The following SNX24 variants were observed in gnomAD, a reference collection of about 807,000 sequenced individuals.
The protein encoded by SNX24 is sorting nexin-24.
SNX24 carries 22 observed loss-of-function variants against 28.7 expected under a neutral mutation model. That is an observed-to-expected ratio of 0.77 (90% CI 0.55 to 1.10). The LOEUF (loss-of-function observed/expected upper bound fraction) is 1.10. Among genes scored for constraint, SNX24 ranks in the 50% least tolerant of loss-of-function variants. The pLI, the probability that SNX24 is intolerant of heterozygous loss-of-function variation, is 0.00. For missense variants in SNX24, 221 were observed against 201.1 expected (o/e 1.10, Z -0.60); for synonymous variants, 69 against 71.5 (o/e 0.96, Z 0.18).
chr5:123,010,522 C>T (rs1303326283), downstream of SNX24, among the ~76,000 whole-genome samples: 2 of 152,124 alleles, frequency 1.3e-5, no homozygotes, highest in South Asian at 2.1e-4. Flanking sequence ...CTCCTGACCT[C>T]GTGATCCAAC....
intron 1 of SNX24, among the ~76,000 whole-genome samples, chr5:122,917,314 GA>G (rs1758222198): frequency 6.6e-6 from 1 of 151,620 alleles, no homozygotes; most frequent in Non-Finnish European, 1.5e-5. Context: ...CCTTGCTTCT[GA>G]AATGCCAAAG....
intron 1 of SNX24, among the ~76,000 whole-genome samples, chr5:122,878,710 G>A (rs185748301): frequency 1.3e-5 from 2 of 152,226 alleles, no homozygotes; most frequent in East Asian, 1.9e-4. Flanking sequence ...GGTGGCTTAC[G>A]CCTGTAATCC....
At chr5:122,912,666 G>T (rs867505618) in intron 1 of SNX24, among the ~76,000 whole-genome samples, 4,420 of 151,014 alleles carry the variant, frequency 0.029, 75 homozygotes, top group Non-Finnish European at 0.041. Flanking sequence ...TTATTGAGAG[G>T]TTTTAGCATG....
intron 1 of SNX24, among the ~76,000 whole-genome samples, chr5:122,853,115 C>CTTT (rs10530519): frequency 1.3e-4 from 9 of 71,588 alleles, no homozygotes; most frequent in Non-Finnish European, 1.5e-4. Context: ...GTTCTTTAGC[C>CTTT]TTTTTTTTTT....
chr5:122,888,899 TG>T (rs756439298), intron 1 of SNX24, among the ~76,000 whole-genome samples: 3 of 152,212 alleles, frequency 2.0e-5, no homozygotes, highest in Non-Finnish European at 4.4e-5. Context: ...TCGCCAAGAA[TG>T]GAGTGCAGTG....
intron 3 of SNX24, among the ~76,000 whole-genome samples, chr5:122,993,863 A>G (rs1411392624): frequency 6.6e-6 from 1 of 152,168 alleles, no homozygotes; most frequent in African/African-American, 2.4e-5. Flanking sequence ...AAGAGAAGAA[A>G]AGCTTCAGTG....
At chr5:122,900,926 TGTG>T (rs1309516976) in intron 1 of SNX24, among the ~76,000 whole-genome samples, 1 of 151,920 alleles carries the variant, frequency 6.6e-6, no homozygotes. Context: ...TATGGCCAGG[TGTG>T]GTGGCTCGTG....
At chr5:122,955,429 C>T (rs1427516145) in intron 3 of SNX24, among the ~76,000 whole-genome samples, 1 of 152,134 alleles carries the variant, frequency 6.6e-6, no homozygotes, top group African/African-American at 2.4e-5. Flanking sequence ...TGAGATCTTC[C>T]TGGTTCTTGG....
chr5:123,012,696 G>A (rs1762611274), downstream of SNX24, among the ~76,000 whole-genome samples: 1 of 152,144 alleles, frequency 6.6e-6, no homozygotes, highest in Admixed American at 6.5e-5. Context: ...AAAGGCTTTT[G>A]AGTGACTGCA....
rs550367238 is a variant in SNX24 at position 122,845,838 on chromosome 5, C to T, written c.60+145C>T. 1.8e-5 allele frequency: 8 copies of T among 440,860 alleles called. No individual in the cohort carries two copies. In the South Asian group the frequency reaches 7.4e-4, roughly 41 times the overall value. 27.3% of individuals were successfully genotyped at this position (440,860 alleles called of 1,614,324 possible). A position where few individuals can be genotyped will look rare whatever the true frequency, so the allele number is the denominator to read the frequency against. ...CCCCCGGCCCAGAGGAAGGGCTGCGCCCTTGGCGCGGTTGTCAAGGAAACG... is the reference window on the plus strand; with the variant it reads ...CCCCCGGCCCAGAGGAAGGGCTGCGTCCTTGGCGCGGTTGTCAAGGAAACG... On this transcript the variant is annotated intron_variant, in intron 1 of 6. Transcript: ENST00000261369.
intron 1 of SNX24, among the ~76,000 whole-genome samples, chr5:122,877,432 G>A (rs1267515277): frequency 6.6e-6 from 1 of 152,234 alleles, no homozygotes; most frequent in Non-Finnish European, 1.5e-5. Flanking sequence ...GACTATGGCT[G>A]TGGTCCAGGA....
chr5:122,865,097 A>G (rs1353240430), intron 1 of SNX24, among the ~76,000 whole-genome samples: 1 of 152,196 alleles, frequency 6.6e-6, no homozygotes, highest in African/African-American at 2.4e-5. Flanking sequence ...TTTACTAAGG[A>G]GAAGACTGTG....
intron 5 of SNX24, 143 bp from the exon 6 acceptor site, chr5:123,001,797 C>A (rs548219024): frequency 2.9e-6 from 2 of 694,112 alleles, no homozygotes; most frequent in Non-Finnish European, 5.2e-6. Flanking sequence ...TCTTACTCTG[C>A]GTGCTATTAT....
At chr5:122,891,382 A>G (rs1381656892) in intron 1 of SNX24, among the ~76,000 whole-genome samples, 2 of 152,310 alleles carry the variant, frequency 1.3e-5, no homozygotes, top group South Asian at 2.1e-4. Context: ...GAAAAATGCC[A>G]TATCAGTTTT....
chr5:122,991,881 G>A (rs912529722), intron 3 of SNX24, among the ~76,000 whole-genome samples: 8 of 151,944 alleles, frequency 5.3e-5, no homozygotes, highest in African/African-American at 1.5e-4. Flanking sequence ...TAAAATCCAA[G>A]GAAAATCAAG....
chr5:122,944,783 C>T (rs995484726), intron 2 of SNX24, among the ~76,000 whole-genome samples: 4 of 152,274 alleles, frequency 2.6e-5, no homozygotes, highest in Admixed American at 6.5e-5. Context: ...TATACTCTTA[C>T]ATATGGAAAG....
intron 3 of SNX24, among the ~76,000 whole-genome samples, chr5:122,968,921 G>C (rs1434903494): frequency 6.6e-6 from 1 of 151,782 alleles, no homozygotes; most frequent in Non-Finnish European, 1.5e-5. Flanking sequence ...TTGATATCAG[G>C]TATAATTAAA....
intron 5 of SNX24, among the ~76,000 whole-genome samples, chr5:123,018,842 A>G (rs1446599957): frequency 2.6e-5 from 4 of 152,104 alleles, no homozygotes; most frequent in African/African-American, 9.7e-5. Flanking sequence ...GCCTGCCACC[A>G]TGCCCTGCTA....
intron 3 of SNX24, among the ~76,000 whole-genome samples, chr5:122,982,347 T>C (rs1172655512): frequency 1.3e-5 from 2 of 152,242 alleles, no homozygotes; most frequent in Non-Finnish European, 2.9e-5. Context: ...ATGTAAAATG[T>C]ATTTTGTGAC....
Sources: gnomAD v4.1 joint callset for allele counts (sites outside exome capture counted in the v4.1 genomes callset) on GRCh38, gnomAD v4.1.1 for gene constraint, MANE v1.5 for transcripts, NCBI Gene and HGNC (gene_info 2026-07-23, HGNC 2026-07-21) for gene names.